The following PTPRD variants were observed in gnomAD, a reference collection of about 807,000 sequenced individuals.
The protein encoded by PTPRD is receptor-type tyrosine-protein phosphatase delta.
In PTPRD, 34 loss-of-function variants were observed where a neutral mutation model predicts 214.5. The ratio of observed to expected loss-of-function variants is 0.16; its 90% CI spans 0.12 to 0.21. The LOEUF (loss-of-function observed/expected upper bound fraction) is 0.21, where lower values mean the gene tolerates loss of function less well. Among genes scored for constraint, PTPRD ranks in the 10% least tolerant of loss-of-function variants. The pLI is 1.00. For synonymous variants in PTPRD, 1,128 were observed against 845.7 expected (o/e 1.33, Z -5.79); for missense variants, 2,545 against 2,398.7 (o/e 1.06, Z -1.27).
chr9:9,439,097 C>A (rs1456418403), intron 8 of PTPRD, among the ~76,000 whole-genome samples: 1 of 152,062 alleles, frequency 6.6e-6, no homozygotes, highest in Admixed American at 6.6e-5. Flanking sequence ...GATAAGAATT[C>A]ATAAAGTAGT....
chr9:10,145,516 T>C (rs2099016168), intron 3 of PTPRD, among the ~76,000 whole-genome samples: 2 of 152,154 alleles, frequency 1.3e-5, no homozygotes, highest in African/African-American at 2.4e-5. Context: ...TACCTTACTT[T>C]ATTGGAAGAA....
intron 8 of PTPRD, among the ~76,000 whole-genome samples, chr9:9,563,382 T>C (rs1354605160): frequency 6.6e-6 from 1 of 152,184 alleles, no homozygotes; most frequent in East Asian, 1.9e-4. Context: ...TTAATTACCT[T>C]ATTGTCATGA....
chr9:8,853,556 T>C (rs1402842493), intron 11 of PTPRD, among the ~76,000 whole-genome samples: 2 of 152,174 alleles, frequency 1.3e-5, no homozygotes, highest in Non-Finnish European at 2.9e-5. Flanking sequence ...AAACCTATCC[T>C]TTGGTAGAAA....
intron 43 of PTPRD, among the ~76,000 whole-genome samples, chr9:8,334,201 G>A (rs1844375198): frequency 6.6e-6 from 1 of 152,028 alleles, no homozygotes; most frequent in Non-Finnish European, 1.5e-5. Context: ...GACATCTACA[G>A]AACTCTCCAC....
chr9:8,629,528 T>C (rs2096176437), intron 14 of PTPRD, among the ~76,000 whole-genome samples: 1 of 151,826 alleles, frequency 6.6e-6, no homozygotes, highest in Admixed American at 6.6e-5. Flanking sequence ...CTATGCTTGC[T>C]CTTCACTGAA....
chr9:9,195,155 C>T (rs777978625), intron 9 of PTPRD, among the ~76,000 whole-genome samples: 11 of 148,004 alleles, frequency 7.4e-5, no homozygotes, highest in Admixed American at 2.0e-4. Context: ...ACTTTTAAAA[C>T]AAACAAATTG....
At chr9:9,369,059 G>C (rs1056234750) in intron 9 of PTPRD, among the ~76,000 whole-genome samples, 11 of 151,962 alleles carry the variant, frequency 7.2e-5, no homozygotes, top group African/African-American at 2.7e-4. Context: ...ATGGTTTCCA[G>C]CTTCATCCAT....
chr9:8,763,019 G>C (rs1366107490), intron 11 of PTPRD, among the ~76,000 whole-genome samples: 1 of 152,130 alleles, frequency 6.6e-6, no homozygotes. Context: ...TAACCAACCT[G>C]AGCATTCAGG....
intron 11 of PTPRD, among the ~76,000 whole-genome samples, chr9:8,736,859 A>G (rs534743021): frequency 4.8e-4 from 73 of 152,280 alleles, no homozygotes; most frequent in African/African-American, 1.6e-3. Context: ...ATCAGATGTT[A>G]AAAATCTCAA....
chr9:9,010,111 C>A (rs1454132097), intron 11 of PTPRD, among the ~76,000 whole-genome samples: 2 of 152,220 alleles, frequency 1.3e-5, no homozygotes, highest in East Asian at 3.9e-4. Flanking sequence ...TTCAGCAATT[C>A]CTCCTACAAG....
chr9:9,580,950 C>T (rs913733245), intron 7 of PTPRD, among the ~76,000 whole-genome samples: 1 of 151,972 alleles, frequency 6.6e-6, no homozygotes, highest in African/African-American at 2.4e-5. Flanking sequence ...GTGTTGTTGT[C>T]AAATATTATC....
Position 10,190,161 on chromosome 9 carries a change from G to C in PTPRD, c.-545+150802C>G, listed in dbSNP as rs1025753491. Among the ~76,000 whole-genome samples the C allele has an allele frequency of 2.6e-5, 4 of 151,814 alleles. No homozygotes were observed. In the East Asian group the frequency reaches 7.8e-4, roughly 29 times the overall value. On this transcript the variant is annotated intron_variant, in intron 3 of 45. Coordinates refer to ENST00000381196, the MANE Select transcript of PTPRD (RefSeq NM_002839.4). The stretch of plus-strand genomic sequence containing the variant: ...GGGGGTGGATCACCTGAGGTCAGGA[G>C]TTCGAGATCAGCCTGACCAATATGG...
At chr9:10,606,635 A>T (rs1257672034) in intron 2 of PTPRD, among the ~76,000 whole-genome samples, 2 of 151,508 alleles carry the variant, frequency 1.3e-5, no homozygotes, top group African/African-American at 4.8e-5. Context: ...AAGAAGCTAT[A>T]TCTAGGCCTT....
chr9:9,125,396 C>G (rs775742378), intron 10 of PTPRD, among the ~76,000 whole-genome samples: 4 of 152,172 alleles, frequency 2.6e-5, no homozygotes, highest in African/African-American at 7.2e-5. Context: ...CTAATTTGCT[C>G]TCTCACTCCA....
chr9:9,699,134 T>C (rs1322783340), intron 7 of PTPRD, among the ~76,000 whole-genome samples: 1 of 152,178 alleles, frequency 6.6e-6, no homozygotes, highest in Admixed American at 6.5e-5. Context: ...GAACTGATAA[T>C]TGGCTATTTT....
At chr9:9,716,003 C>T (rs1158076966) in intron 7 of PTPRD, among the ~76,000 whole-genome samples, 5 of 151,784 alleles carry the variant, frequency 3.3e-5, no homozygotes, top group Admixed American at 3.3e-4. Flanking sequence ...TCCCTCCCCT[C>T]TCCCCCCACC....
intron 11 of PTPRD, among the ~76,000 whole-genome samples, chr9:8,991,550 T>C (rs962400614): frequency 6.6e-6 from 1 of 152,112 alleles, no homozygotes; most frequent in Non-Finnish European, 1.5e-5. Context: ...TATCTACATA[T>C]TCCTAGTTCA....
intron 11 of PTPRD, among the ~76,000 whole-genome samples, chr9:8,767,740 A>C (rs2094872950): frequency 6.6e-6 from 1 of 152,156 alleles, no homozygotes; most frequent in Non-Finnish European, 1.5e-5. Context: ...CTCCACAATA[A>C]TTAAGTCAGA....
At chr9:8,730,884 C>G (rs2098649993) in intron 12 of PTPRD, among the ~76,000 whole-genome samples, 1 of 152,198 alleles carries the variant, frequency 6.6e-6, no homozygotes, top group Non-Finnish European at 1.5e-5. Context: ...GATCACAGCT[C>G]TACTGTCCAG....
Sources: gnomAD v4.1 joint callset for allele counts (sites outside exome capture counted in the v4.1 genomes callset) on GRCh38, gnomAD v4.1.1 for gene constraint, MANE v1.5 for transcripts, NCBI Gene and HGNC (gene_info 2026-07-23, HGNC 2026-07-21) for gene names.